The following UBR1 variants were observed in gnomAD, a reference collection of about 807,000 sequenced individuals.
UBR1 encodes the protein ubiquitin protein ligase E3 component n-recognin 1.
Under a neutral mutation model 242.1 loss-of-function variants are expected in UBR1, and 102 were observed. That is an observed-to-expected ratio of 0.42 (90% confidence interval 0.36 to 0.50). The LOEUF (loss-of-function observed/expected upper bound fraction) is 0.50. UBR1 is among the 20% of genes least tolerant of loss of function. The pLI is 0.01. For synonymous variants in UBR1, 675 were observed against 684.8 expected, an observed-to-expected ratio of 0.99 and a Z score of 0.22; for missense variants, 1,772 against 2,101.8, an observed-to-expected ratio of 0.84 and a Z score of 3.07.
intron 21 of UBR1, among the ~76,000 whole-genome samples, chr15:43,028,346 T>C (rs2033204109): frequency 6.6e-6 from 1 of 152,186 alleles, no homozygotes; most frequent in African/African-American, 2.4e-5. Flanking sequence ...AACACTATTT[T>C]TTTACAAAGT....
In UBR1 at chr15:43,070,730, A is replaced by G; in HGVS notation, c.659+65T>C. 1.2e-6 allele frequency: 2 copies of G among 1,601,938 alleles called. 1 individual carries two copies. Among genetic ancestry groups the G allele is most frequent in the South Asian group, 2.2e-5 (2 of 90,814 alleles). The stretch of plus-strand genomic sequence containing the variant: ...GCAGTAAATAACAAAAACAATTATC[A>G]AACACACATTTTGCAATACAAATAA... On this transcript the variant is annotated intron_variant, in intron 5 of 46. Coordinates refer to ENST00000290650, the MANE Select transcript of UBR1 (RefSeq NM_174916.3).
At chr15:43,073,087 G>C (rs1463730208) in intron 4 of UBR1, among the ~76,000 whole-genome samples, 9 of 151,974 alleles carry the variant, frequency 5.9e-5, no homozygotes, top group Non-Finnish European at 1.0e-4. Context: ...CTTGAACCCA[G>C]GAGGTGGAGG....
rs1382433807 is a variant in UBR1 at position 43,017,175 on chromosome 15, C to G, written c.2947G>C (p.Asp983His). The G allele has an allele frequency of 3.1e-6, 5 of 1,611,810 alleles. No individual in the cohort carries two copies. The highest frequency in any genetic ancestry group is 2.7e-5 in the African/African-American group (2 of 74,908). Reference sequence around the variant, plus strand: ...TTTTCTCTTAATCGCTTCACTGTGTCAAACATCTGTGAAAAACAGATGAAA... The same window carrying G: ...TTTTCTCTTAATCGCTTCACTGTGTGAAACATCTGTGAAAAACAGATGAAA... ...DMITWILQMF[D>H]TVKRLREKSC... is the part of the protein sequence containing the mutation. The change falls in exon 28 of 47, where the codon GAC becomes CAC. Residue 983 changes from aspartate (D) to histidine (H), a missense_variant. Asp to His is a moderately conservative substitution (Grantham distance 81). Transcript: ENST00000290650.
At chr15:42,990,854 T>G (rs573622024) in intron 33 of UBR1, among the ~76,000 whole-genome samples, 7 of 152,336 alleles carry the variant, frequency 4.6e-5, no homozygotes, top group African/African-American at 1.7e-4. Flanking sequence ...TACTGCAACC[T>G]TGTGTGAAAG....
chr15:42,998,462 T>C (rs1443521180), intron 32 of UBR1, among the ~76,000 whole-genome samples, 197 bp from the exon 33 acceptor site: 1 of 152,118 alleles, frequency 6.6e-6, no homozygotes, highest in African/African-American at 2.4e-5. Flanking sequence ...TTACAAGAAA[T>C]AAGTCACCAC....
Position 43,085,981 on chromosome 15 carries a change from T to C in UBR1, c.338+3A>G, listed in dbSNP as rs760759795. 1.2e-6 allele frequency: 2 copies of C among 1,613,790 alleles called. No homozygotes were observed. The highest frequency in any genetic ancestry group is 1.7e-6 in the Non-Finnish European group (2 of 1,179,830). On this transcript the variant is annotated splice_donor_region_variant and intron_variant, in intron 2 of 46. Coordinates refer to ENST00000290650, the MANE Select transcript of UBR1 (RefSeq NM_174916.3). Reference sequence around the variant, plus strand: ...ATCAATCCTGTAAATTTCTAATTCTTACCTGCAAGAATAGGTTGTCTCTCC... The same window carrying C: ...ATCAATCCTGTAAATTTCTAATTCTCACCTGCAAGAATAGGTTGTCTCTCC...
chr15:43,008,184 G>C lies in UBR1; in HGVS notation c.3210-900C>G, dbSNP rs536438627. 6.6e-5 allele frequency among the ~76,000 whole-genome samples: 10 copies of C among 152,374 alleles called. No individual in the cohort carries two copies. In the South Asian group the frequency reaches 1.9e-3, roughly 28 times the overall value. Reference sequence around the variant, plus strand: ...GCAGTGGAGGCGTGGCTGGGGCAACGTGCTCCATGTAGCCCTTGGGTTGGG... The same window carrying C: ...GCAGTGGAGGCGTGGCTGGGGCAACCTGCTCCATGTAGCCCTTGGGTTGGG... On this transcript the variant is annotated intron_variant, in intron 29 of 46. Coordinates refer to ENST00000290650, the MANE Select transcript of UBR1 (RefSeq NM_174916.3).
intron 1 of UBR1, among the ~76,000 whole-genome samples, chr15:43,099,497 G>T (rs1013912434): frequency 6.6e-6 from 1 of 152,070 alleles, no homozygotes; most frequent in Non-Finnish European, 1.5e-5. Context: ...AACCTGATTT[G>T]GTGGTAGTCA....
chr15:43,030,983 TTCAGTGCTAGAAGAAACC>T (rs2033250089), intron 20 of UBR1, among the ~76,000 whole-genome samples: 1 of 152,156 alleles, frequency 6.6e-6, no homozygotes, highest in Non-Finnish European at 1.5e-5. Flanking sequence ...CCCCTAGAAT[TTCAGTGCTAGAAGAAACC>T]TTAGAGATCA....
At chr15:43,040,417 ATCCCT>A (rs1458840370) in intron 15 of UBR1, among the ~76,000 whole-genome samples, 1 of 152,228 alleles carries the variant, frequency 6.6e-6, no homozygotes, top group African/African-American at 2.4e-5. Flanking sequence ...TTGAAACTGG[ATCCCT>A]TCCTTACACC....
At chr15:43,005,745 A>C (rs1213981936) in intron 30 of UBR1, among the ~76,000 whole-genome samples, 1 of 152,120 alleles carries the variant, frequency 6.6e-6, no homozygotes, top group Non-Finnish European at 1.5e-5. Context: ...CTGTACTAAG[A>C]AAAATTCTTC....
chr15:43,013,980 C>G (rs551326485), intron 29 of UBR1, among the ~76,000 whole-genome samples: 40 of 152,298 alleles, frequency 2.6e-4, no homozygotes, highest in East Asian at 5.8e-4. Context: ...GCAACCTCCC[C>G]GCCTGATTCT....
At chr15:42,973,679 G>A (rs916431799) in intron 39 of UBR1, among the ~76,000 whole-genome samples, 1 of 152,054 alleles carries the variant, frequency 6.6e-6, no homozygotes, top group African/African-American at 2.4e-5. Context: ...TCCTTTATCA[G>A]AAGTACTTTT....
chr15:43,014,172 G>A (rs1256826137), intron 29 of UBR1, among the ~76,000 whole-genome samples: 7 of 152,254 alleles, frequency 4.6e-5, no homozygotes, highest in Non-Finnish European at 8.8e-5. Flanking sequence ...ACGGAGTCTC[G>A]CTCACTCAGT....
chr15:43,043,373 T>A lies in UBR1; in HGVS notation c.1691A>T (p.Tyr564Phe). The change falls in exon 15 of 47, where the codon TAT (tyrosine) becomes TTT (phenylalanine). Residue 564 changes from tyrosine to phenylalanine, a missense_variant. By Grantham distance (22) the Tyr-to-Phe change is conservative. This residue lies in a region of UBR1 where 734 missense variants were observed against 893.3 expected (regional missense o/e 0.82). Coordinates refer to ENST00000290650, the MANE Select transcript of UBR1 (RefSeq NM_174916.3). ...CATCACAGCTTTGTGACATTCTTTA[T>A]AAGCCACAAGTAAGAGTTCTTCCTA... Reference protein sequence around the residue: ...ACDEELLLVAYKECHKAVMRC... With the variant: ...ACDEELLLVAFKECHKAVMRC... 1 of 1,614,156 alleles carries A rather than the reference T, an allele frequency of 6.2e-7. No individual in the cohort carries two copies. The highest frequency in any genetic ancestry group is 1.1e-5 in the South Asian group (1 of 91,082).
At chr15:42,985,083 T>A in intron 35 of UBR1, 141 bp from the exon 36 acceptor site, 1 of 707,252 alleles carries the variant, frequency 1.4e-6, no homozygotes, top group Non-Finnish European at 2.2e-6. Context: ...GTGTTTTAAG[T>A]CTATGCCAAA....
chr15:43,037,734 G>C, intron 17 of UBR1, 39 bp downstream of exon 17: 1 of 1,563,400 alleles, frequency 6.4e-7, no homozygotes, highest in East Asian at 2.2e-5. Flanking sequence ...ATTAGAAAAT[G>C]AGCACATTCA....
intron 1 of UBR1, among the ~76,000 whole-genome samples, chr15:43,103,619 A>G (rs906134038): frequency 6.6e-6 from 1 of 152,226 alleles, no homozygotes; most frequent in Non-Finnish European, 1.5e-5. Context: ...ATTGCATGTG[A>G]GATAATGTTA....
Position 43,043,203 on chromosome 15 carries a change from A to AG in UBR1, c.1849+11_1849+12insC. 6.2e-7 allele frequency: 1 copy of AG among 1,614,080 alleles called. No individual in the cohort carries two copies. The highest frequency in any genetic ancestry group is 8.5e-7 in the Non-Finnish European group (1 of 1,179,984). The stretch of plus-strand genomic sequence containing the variant: ...TAATAGGTATATGCAAAAAGAAAAA[A>AG]CAAACACTCACCAGCAAGGGTCCTA... On this transcript the variant is annotated intron_variant, in intron 15 of 46. Transcript: ENST00000290650.
Sources: allele counts gnomAD v4.1 joint callset (sites outside exome capture counted in the v4.1 genomes callset), GRCh38; gene constraint gnomAD v4.1.1; regional missense constraint gnomAD v4.1.1; transcripts MANE v1.5; gene names NCBI Gene and HGNC (gene_info 2026-07-23, HGNC 2026-07-21).